The following GPAT3 variants were observed in gnomAD, a reference collection of about 807,000 sequenced individuals.
The protein encoded by GPAT3 is 1-AGP acyltransferase 9.
GPAT3 carries 53 observed loss-of-function variants against 58.8 expected under a neutral mutation model. That is an observed-to-expected ratio of 0.90 (90% CI 0.72 to 1.13). The LOEUF (loss-of-function observed/expected upper bound fraction) is 1.13. Among genes scored for constraint, GPAT3 ranks in the 50% most tolerant of loss-of-function variants. The pLI is 0.00. For missense variants in GPAT3, 511 were observed against 527.6 expected, an observed-to-expected ratio of 0.97 and a Z score of 0.31; for synonymous variants, 197 against 187.4, an observed-to-expected ratio of 1.05 and a Z score of -0.42.
At chr4:83,581,876 T>C in intron 3 of GPAT3, 44 bp downstream of exon 3, 1 of 1,564,884 alleles carries the variant, frequency 6.4e-7, no homozygotes, top group Non-Finnish European at 8.7e-7. Flanking sequence ...TTGACTCAGC[T>C]TTCTTTTTGA....
At chr4:83,556,317 G>T (rs1724937569) in intron 2 of GPAT3, among the ~76,000 whole-genome samples, 1 of 152,086 alleles carries the variant, frequency 6.6e-6, no homozygotes, top group African/African-American at 2.4e-5. Context: ...GGCCAACATG[G>T]TGGAACCCTG....
chr4:83,570,471 C>CT (rs11417042), intron 2 of GPAT3, among the ~76,000 whole-genome samples: 9,688 of 126,606 alleles, frequency 0.077, 1,465 homozygotes, highest in African/African-American at 0.27. Flanking sequence ...TGGGAGAACT[C>CT]TTTTTTTTTT....
intron 6 of GPAT3, among the ~76,000 whole-genome samples, chr4:83,591,704 A>C (rs1026545944): frequency 2.0e-5 from 3 of 152,134 alleles, no homozygotes; most frequent in Non-Finnish European, 4.4e-5. Flanking sequence ...GGACACTTTC[A>C]TGCATTATAT....
Position 83,549,400 on chromosome 4 carries a change from T to C in GPAT3, c.208+4798T>C, listed in dbSNP as rs1327565259. On this transcript the variant is annotated intron_variant, in intron 2 of 11. Transcript: ENST00000264409. Reference sequence around the variant, plus strand: ...TGTAGAGAGCAACATAATTCAGTTATGGGGTTGGAAGGATTATAGGTTGGG... The same window carrying C: ...TGTAGAGAGCAACATAATTCAGTTACGGGGTTGGAAGGATTATAGGTTGGG... Among the ~76,000 whole-genome samples the C allele has an allele frequency of 3.3e-5, 5 of 151,762 alleles. No individual in the cohort carries two copies. In the East Asian group the frequency reaches 9.6e-4, roughly 29 times the overall value.
intron 2 of GPAT3, among the ~76,000 whole-genome samples, chr4:83,546,383 T>TG (rs1309217392): frequency 1.3e-5 from 2 of 151,554 alleles, no homozygotes; most frequent in African/African-American, 4.8e-5. Context: ...GATTTAGTTT[T>TG]TTTTTTTTTT....
intron 1 of GPAT3, among the ~76,000 whole-genome samples, chr4:83,537,087 A>G (rs1214206322): frequency 1.3e-5 from 2 of 152,044 alleles, no homozygotes; most frequent in Non-Finnish European, 1.5e-5. Context: ...GTATCAGAGG[A>G]TTTGCTTATA....
At chr4:83,554,308 A>G (rs1468095538) in intron 2 of GPAT3, among the ~76,000 whole-genome samples, 7 of 152,248 alleles carry the variant, frequency 4.6e-5, no homozygotes, top group Admixed American at 6.5e-5. Flanking sequence ...TTCTCTTCAC[A>G]GTTGATAGGA....
chr4:83,566,443 A>ATTATTATTT (rs1553945453), intron 2 of GPAT3, among the ~76,000 whole-genome samples: 14 of 148,126 alleles, frequency 9.5e-5, no homozygotes, highest in Admixed American at 3.4e-4. Context: ...TATTATTATT[A>ATTATTATTT]TTATTTTTAA....
chr4:83,571,919 C>T (rs1725624847), intron 2 of GPAT3, among the ~76,000 whole-genome samples: 3 of 151,834 alleles, frequency 2.0e-5, no homozygotes, highest in African/African-American at 7.3e-5. Context: ...AGTACAGGTG[C>T]CTGCCATCAC....
chr4:83,537,627 ATAT>A (rs1724154958), intron 1 of GPAT3, among the ~76,000 whole-genome samples: 1 of 136,054 alleles, frequency 7.4e-6, no homozygotes, highest in African/African-American at 2.9e-5. Context: ...GTGTGTGTGT[ATAT>A]TTAACATAAG....
At chr4:83,554,747 C>T (rs1274768868) in intron 2 of GPAT3, among the ~76,000 whole-genome samples, 2 of 150,928 alleles carry the variant, frequency 1.3e-5, no homozygotes, top group African/African-American at 4.9e-5. Context: ...TGATTCTCCT[C>T]TTGATGTTTA....
At chr4:83,547,357 A>G (rs1724570171) in intron 2 of GPAT3, among the ~76,000 whole-genome samples, 2 of 139,676 alleles carry the variant, frequency 1.4e-5, no homozygotes, top group Admixed American at 8.0e-5. Context: ...GATTCACGCC[A>G]TTCTCCTGCC....
rs545001154 is a variant in GPAT3, at chr4:83,544,621, T to C, written c.208+19T>C. 4 of 1,612,116 alleles carry C rather than the reference T, an allele frequency of 2.5e-6. No homozygotes were observed. The South Asian group carries it at 4.4e-5, about 18-fold the overall frequency. On this transcript the variant is annotated intron_variant, in intron 2 of 11. Coordinates refer to ENST00000264409, the MANE Select transcript of GPAT3 (RefSeq NM_032717.5). ...TCTGTTGGTGAGTTTTCCTTTTCAT[T>C]ATGATTGTTACCATATTTAAATTGG...
In GPAT3 at chr4:83,536,422, G is replaced by T; in HGVS notation, c.-201G>T. 7.3e-7 allele frequency: 1 copy of T among 1,372,094 alleles called. No individual in the cohort carries two copies. Among genetic ancestry groups the T allele is most frequent in the Non-Finnish European group, 9.4e-7 (1 of 1,064,472 alleles). The allele number at this position is 1,372,094 out of a possible 1,614,324, so 85.0% of individuals were successfully genotyped here. On this transcript the variant is annotated 5_prime_UTR_variant, in exon 1 of 12. In the 5' UTR this introduces an upstream ATG that the reference lacks. Transcript: ENST00000264409. ...CCAGCGGAGAAAGAGTTAACTGGCA[G>T]GGGCGAGGAGGAGCCCAGGGAGGAA...
chr4:83,603,702 ATC>A (rs1453579927), intron 11 of GPAT3, among the ~76,000 whole-genome samples: 1 of 151,726 alleles, frequency 6.6e-6, no homozygotes, highest in East Asian at 1.9e-4. Context: ...AGACAGGAGA[ATC>A]ACTTGAACTC....
intron 2 of GPAT3, among the ~76,000 whole-genome samples, chr4:83,547,407 C>T (rs528563579): frequency 1.4e-4 from 21 of 151,774 alleles, no homozygotes; most frequent in South Asian, 6.3e-4. Context: ...TGCCCGCCAC[C>T]ACGCCCAGCT....
chr4:83,583,684 A>G (rs1294911232), intron 3 of GPAT3, among the ~76,000 whole-genome samples: 2 of 147,266 alleles, frequency 1.4e-5, no homozygotes, highest in East Asian at 2.0e-4. Context: ...AAAAAAAAAA[A>G]AAAAAAAAAA....
intron 2 of GPAT3, among the ~76,000 whole-genome samples, chr4:83,576,774 T>C (rs547906304): frequency 6.6e-6 from 1 of 152,158 alleles, no homozygotes; most frequent in Non-Finnish European, 1.5e-5. Context: ...AAAAGACACA[T>C]AGTACTTACT....
chr4:83,586,787 T>C (rs928135400), intron 3 of GPAT3, among the ~76,000 whole-genome samples: 8 of 152,356 alleles, frequency 5.3e-5, no homozygotes, highest in African/African-American at 1.9e-4. Flanking sequence ...TTCTGAGTTA[T>C]CTTGAACCAT....
Sources: gnomAD v4.1 joint callset for allele counts (sites outside exome capture counted in the v4.1 genomes callset) on GRCh38, gnomAD v4.1.1 for gene constraint, MANE v1.5 for transcripts, NCBI Gene and HGNC (gene_info 2026-07-23, HGNC 2026-07-21) for gene names.